Variants in SLC28A1 observed in about 807,000 individuals in gnomAD.
SLC28A1 encodes sodium/nucleoside cotransporter 1.
SLC28A1 carries 64 observed loss-of-function variants against 74.8 expected under a neutral mutation model. That is an observed-to-expected ratio of 0.86 (90% confidence interval 0.70 to 1.05). The LOEUF is 1.05. SLC28A1 is among the 50% of genes least tolerant of loss of function. The pLI is 0.00. For synonymous variants in SLC28A1, 359 were observed against 335.0 expected, an observed-to-expected ratio of 1.07 and a Z score of -0.78; for missense variants, 828 against 822.8, an observed-to-expected ratio of 1.01 and a Z score of -0.08.
At chr15:84,966,521 G>A in the SLC28A1 span, among the ~76,000 whole-genome samples, 1 of 152,120 alleles carries the variant, frequency 6.6e-6, no homozygotes, top group Non-Finnish European at 1.5e-5. Flanking sequence ...TGAGCTCCTG[G>A]TTTCAAGCAA....
chr15:84,921,018 C>T lies in SLC28A1; in HGVS notation c.906C>T (p.Gly302=). 6.2e-7 allele frequency: 1 copy of T among 1,614,050 alleles called. No homozygotes were observed. The highest frequency in any genetic ancestry group is 8.5e-7 in the Non-Finnish European group (1 of 1,179,920). The change falls in exon 11 of 19, where the codon GGC becomes GGT. Residue 302 remains glycine, a synonymous_variant. Transcript: ENST00000394573. ...CCTGGCTGATGCAAGTCACCATGGG[C>T]ACCACAGCCACTGAGACCCTGAGTG... ...KIAWLMQVTM[G]TTATETLSVA...
At chr15:84,944,537 A>C (rs375187023) in intron 16 of SLC28A1, 29 bp from the exon 17 acceptor site, 251 of 1,516,320 alleles carry the variant, frequency 1.7e-4, no homozygotes, top group Non-Finnish European at 2.2e-4. Flanking sequence ...ACAGCTTCCC[A>C]GGCCCTGAGC....
At chr15:84,889,691 T>TC (rs748523040) in intron 4 of SLC28A1, among the ~76,000 whole-genome samples, 267 of 25,160 alleles carry the variant, frequency 0.011, 1 homozygote, top group Middle Eastern at 0.016. Context: ...CTTCCTTCCT[T>TC]CTTTCCTTCC....
chr15:84,912,806 G>GCACACACACACACACACACACA (rs199525878), intron 9 of SLC28A1, among the ~76,000 whole-genome samples: 1 of 112,202 alleles, frequency 8.9e-6, no homozygotes, highest in African/African-American at 3.3e-5. Flanking sequence ...TTGCGCGCGC[G>GCACACACACACACACACACACA]CACACACACA....
At chr15:84,955,615 C>A in the SLC28A1 span, among the ~76,000 whole-genome samples, 1 of 152,208 alleles carries the variant, frequency 6.6e-6, no homozygotes, top group Non-Finnish European at 1.5e-5. Flanking sequence ...GCTGACCCCA[C>A]CCCAGCTGGG....
chr15:84,915,474 C>T (rs546840720), intron 9 of SLC28A1, among the ~76,000 whole-genome samples: 3 of 152,218 alleles, frequency 2.0e-5, no homozygotes, highest in Admixed American at 2.0e-4. Flanking sequence ...CCTTGCCGGG[C>T]CCTCACCAGT....
chr15:84,915,219 G>C (rs1214898976), intron 9 of SLC28A1, among the ~76,000 whole-genome samples: 1 of 152,170 alleles, frequency 6.6e-6, no homozygotes, highest in African/African-American at 2.4e-5. Context: ...GGTGTTCTCT[G>C]TCGGGTGACT....
At chr15:84,921,844 G>A (rs949638515) in intron 11 of SLC28A1, among the ~76,000 whole-genome samples, 14 of 152,174 alleles carry the variant, frequency 9.2e-5, no homozygotes, top group African/African-American at 3.1e-4. Flanking sequence ...ATCCCTTAAG[G>A]TGTTCAAAAT....
At chr15:84,971,612 G>A in the SLC28A1 span, among the ~76,000 whole-genome samples, 1 of 151,980 alleles carries the variant, frequency 6.6e-6, no homozygotes, top group African/African-American at 2.4e-5. Context: ...CCTGCAGAAT[G>A]TACACCAAAT....
At chr15:84,969,836 C>T in the SLC28A1 span, among the ~76,000 whole-genome samples, 1 of 152,174 alleles carries the variant, frequency 6.6e-6, no homozygotes, top group Non-Finnish European at 1.5e-5. Flanking sequence ...ACATGTATGG[C>T]ATAGCCTTCA....
intron 6 of SLC28A1, chr15:84,895,631 C>G (rs917382577): frequency 1.4e-6 from 2 of 1,470,076 alleles, no homozygotes; most frequent in African/African-American, 2.8e-5. Flanking sequence ...AGCGATGTCA[C>G]AGGGCAGGAG....
At chr15:84,967,988 CT>C in the SLC28A1 span, among the ~76,000 whole-genome samples, 17 of 152,112 alleles carry the variant, frequency 1.1e-4, no homozygotes, top group Non-Finnish European at 1.9e-4. Context: ...ATCTGGTCCA[CT>C]GTTGGTTGGT....
the SLC28A1 span, among the ~76,000 whole-genome samples, chr15:84,952,719 C>T: frequency 0.46 from 69,838 of 152,000 alleles, 18,886 homozygotes; most frequent in Non-Finnish European, 0.61. Context: ...AACCAAGTCT[C>T]TACAAAAAAA....
Position 84,917,049 on chromosome 15 carries a change from A to G in SLC28A1, c.796-1475A>G, listed in dbSNP as rs1249028504. ...TCTCAAAAAAAAAAAAATAAATAAA[A>G]AAGGTAGGAACAGATGAGAAATTCA... On this transcript the variant is annotated intron_variant, in intron 9 of 18. Coordinates refer to ENST00000394573, the MANE Select transcript of SLC28A1 (RefSeq NM_004213.5). 6.7e-5 allele frequency among the ~76,000 whole-genome samples: 10 copies of G among 148,172 alleles called. 1 individual carries two copies. The highest frequency in any genetic ancestry group is 4.1e-4 in the Admixed American group (6 of 14,718).
At chr15:84,895,890 G>GA (rs1965953634) in intron 6 of SLC28A1, 1 of 1,023,072 alleles carries the variant, frequency 9.8e-7, no homozygotes, top group South Asian at 3.9e-5. Flanking sequence ...CAGGGGTACA[G>GA]GGGTGCCTCT....
Position 84,935,168 on chromosome 15 carries a change from G to A in SLC28A1, c.1357G>A (p.Val453Met). Residue 453 changes from valine (V) to methionine (M), a missense_variant, in exon 14 of 19, where the codon GTG becomes ATG. Around this residue, in one of 3 missense-constraint regions of SLC28A1, gnomAD observed 767 missense variants for 753.5 expected, o/e 1.02. Coordinates refer to ENST00000394573, the MANE Select transcript of SLC28A1 (RefSeq NM_004213.5). ...TGCCCTCTCCTGGCTGGGAGACATG[G>A]TGGACATCCAAGGGCTCAGCTTCCA... ...NAALSWLGDM[V>M]DIQGLSFQLI... 6.2e-7 allele frequency: 1 copy of A among 1,613,986 alleles called. No individual in the cohort carries two copies. The highest frequency in any genetic ancestry group is 8.5e-7 in the Non-Finnish European group (1 of 1,179,906).
intron 13 of SLC28A1, among the ~76,000 whole-genome samples, chr15:84,934,708 A>G (rs1326763146): frequency 1.3e-5 from 2 of 152,230 alleles, no homozygotes; most frequent in Non-Finnish European, 2.9e-5. Flanking sequence ...TGTAACCAGT[A>G]TAATAATTAT....
chr15:84,918,711 A>G, intron 10 of SLC28A1, 107 bp downstream of exon 10: 1 of 849,674 alleles, frequency 1.2e-6, no homozygotes, highest in Admixed American at 1.7e-5. Context: ...CCCCAGACAC[A>G]CTGCTCCCCA....
intron 12 of SLC28A1, among the ~76,000 whole-genome samples, chr15:84,932,025 G>A (rs1251668415): frequency 3.9e-5 from 6 of 151,910 alleles, no homozygotes; most frequent in Non-Finnish European, 8.8e-5. Flanking sequence ...AAGCAAGAAA[G>A]AAAATCACCC....
Sources: gnomAD v4.1 joint callset for allele counts (sites outside exome capture counted in the v4.1 genomes callset) on GRCh38, gnomAD v4.1.1 for gene constraint, gnomAD v4.1.1 regional missense constraint, MANE v1.5 for transcripts, NCBI Gene and HGNC (gene_info 2026-07-23, HGNC 2026-07-21) for gene names.